The following IL4I1 variants were observed in gnomAD, a reference collection of about 807,000 sequenced individuals.
IL4I1 encodes the protein L-amino-acid oxidase.
A neutral mutation model predicts 29.7 loss-of-function variants in IL4I1; 24 were observed. That is an observed-to-expected ratio of 0.81 (90% CI 0.59 to 1.14). The LOEUF (loss-of-function observed/expected upper bound fraction) is 1.14, where lower values mean the gene tolerates loss of function less well. Among genes scored for constraint, IL4I1 ranks in the 50% most tolerant of loss-of-function variants. The pLI, the probability that IL4I1 is intolerant of heterozygous loss-of-function variation, is 0.00. For missense variants in IL4I1, 686 were observed against 785.6 expected (o/e 0.87, Z 1.52); for synonymous variants, 371 against 352.5 (o/e 1.05, Z -0.59).
rs147763061 is a variant in IL4I1, at chr19:49,909,595, C to T, written c.-227-5274G>A. On this transcript the variant is annotated intron_variant, in intron 2 of 9. Coordinates refer to the IL4I1 transcript ENST00000341114. ...TCGCTGTTCCAAAAGTGAAGCCTGT[C>T]GTCTGTGTGGCCGGAGTCTGGGTGG... 35 of 1,613,924 alleles carry T rather than the reference C, an allele frequency of 2.2e-5. No individual in the cohort carries two copies. Among genetic ancestry groups the T allele is most frequent in the Middle Eastern group, 1.6e-4 (1 of 6,084 alleles).
At position 49,921,025 on chromosome 19, in the gene IL4I1, G is replaced by T. The variant is rs2075754232; in HGVS notation, c.-228+6669C>A. Among the ~76,000 whole-genome samples, 1 of 152,146 alleles carries T rather than the reference G, an allele frequency of 6.6e-6. No homozygotes were observed. Among genetic ancestry groups the T allele is most frequent in the Non-Finnish European group, 1.5e-5 (1 of 68,020 alleles). ...AAGGCAGCCAGAAGATGGGGGCAGG[G>T]TGGCTTTCATTATGAGAACTGGAAG... On this transcript the variant is annotated intron_variant, in intron 2 of 9. Coordinates refer to the IL4I1 transcript ENST00000341114. The surrounding 1 kb of genome is among the most constrained non-coding windows in gnomAD (Gnocchi z 5.4).
chr19:49,910,716 T>C (rs888030658), intron 2 of IL4I1, among the ~76,000 whole-genome samples: 1 of 22,666 alleles, frequency 4.4e-5, no homozygotes, highest in Non-Finnish European at 9.4e-5. Context: ...CAGAGATGGG[T>C]GGGGGTGGGG....
In IL4I1 at chr19:49,892,142, C is replaced by T. The variant is rs375157608; in HGVS notation, c.568-669G>A. Among the ~76,000 whole-genome samples the T allele has an allele frequency of 1.5e-4, 22 of 141,942 alleles. 1 individual carries two copies. Among genetic ancestry groups the T allele is most frequent in the Admixed American group, 1.2e-3 (16 of 12,886 alleles). 93.1% of individuals were successfully genotyped at this position (141,942 alleles called of 152,430 possible). ...TGTTGCCCAGGCTGGAGTGCAGTGGCGCCATCTCAGCTCACTGAAACCTCT... is the reference window on the plus strand; with the variant it reads ...TGTTGCCCAGGCTGGAGTGCAGTGGTGCCATCTCAGCTCACTGAAACCTCT... On this transcript the variant is annotated intron_variant, in intron 5 of 7. Coordinates refer to ENST00000391826, the MANE Select transcript of IL4I1 (RefSeq NM_152899.2).
At chr19:49,894,174 G>T in intron 5 of IL4I1, 94 bp downstream of exon 5, 1 of 1,249,732 alleles carries the variant, frequency 8.0e-7, no homozygotes, top group East Asian at 2.5e-5. Flanking sequence ...GGAGGGGACT[G>T]AAGGGATGCC....
intron 2 of IL4I1, among the ~76,000 whole-genome samples, chr19:49,910,146 C>T (rs975199456): frequency 4.6e-5 from 7 of 152,038 alleles, no homozygotes; most frequent in African/African-American, 1.2e-4. Flanking sequence ...GAGGACGAGG[C>T]GGGAGAACAG....
upstream of IL4I1, among the ~76,000 whole-genome samples, chr19:49,897,970 C>T (rs746074772): frequency 5.9e-5 from 9 of 152,144 alleles, no homozygotes; most frequent in Non-Finnish European, 1.2e-4. Flanking sequence ...GAGGCCGTGG[C>T]AAAGGGAAAT....
At chr19:49,915,708 G>A (rs2075606186) in intron 2 of IL4I1, among the ~76,000 whole-genome samples, 1 of 152,254 alleles carries the variant, frequency 6.6e-6, no homozygotes, top group Admixed American at 6.5e-5. Context: ...TCAGGGGCAG[G>A]TCTGCCCTTG....
intron 2 of IL4I1, among the ~76,000 whole-genome samples, chr19:49,917,102 G>A (rs2075645104): frequency 6.6e-6 from 1 of 152,234 alleles, no homozygotes; most frequent in African/African-American, 2.4e-5. Flanking sequence ...GGGGAAGTAT[G>A]ACCGGTGGAA....
Position 49,889,807 on chromosome 19 carries a change from C to A in IL4I1, c.1567G>T (p.Asp523Tyr). The A allele has an allele frequency of 6.5e-7, 1 of 1,548,254 alleles. No individual in the cohort carries two copies. The highest frequency in any genetic ancestry group is 1.2e-5 in the South Asian group (1 of 81,832). Reference sequence around the variant, plus strand: ...TGCACATGCCCCTGCCCCTCCATGTCAGATGCGTGCCCCTCGGGGCTGGCC... The same window carrying A: ...TGCACATGCCCCTGCCCCTCCATGTAAGATGCGTGCCCCTCGGGGCTGGCC... ...DTASPEGHAS[D>Y]MEGQGHVHGV... The change falls in exon 8 of 8, where the codon GAC (aspartate) becomes TAC (tyrosine). Residue 523 changes from aspartate to tyrosine, a missense_variant. Physicochemically the swap from Asp to Tyr is radical, Grantham distance 160. Transcript: ENST00000391826.
intron 2 of IL4I1, chr19:49,913,190 GAC>G (rs941776293): frequency 3.3e-5 from 5 of 152,488 alleles, no homozygotes; most frequent in African/African-American, 9.6e-5. Flanking sequence ...CCACACAGCA[GAC>G]ATGCCTCTGG....
intron 2 of IL4I1, among the ~76,000 whole-genome samples, chr19:49,924,073 C>T (rs746108611): frequency 2.2e-4 from 34 of 152,300 alleles, no homozygotes; most frequent in South Asian, 1.0e-3. Context: ...GAATCGATAG[C>T]GTCTGGCAAC....
At chr19:49,926,890 C>G (rs1021673086) in intron 2 of IL4I1, among the ~76,000 whole-genome samples, 4 of 144,932 alleles carry the variant, frequency 2.8e-5, no homozygotes, top group African/African-American at 1.0e-4. Context: ...AGGTCTCACT[C>G]TGTCACCCAG....
chr19:49,906,231 C>T (rs1568693669), intron 2 of IL4I1, among the ~76,000 whole-genome samples: 1 of 151,922 alleles, frequency 6.6e-6, no homozygotes, highest in African/African-American at 2.4e-5. Context: ...TTTTTTGAGA[C>T]AGAGTCTTGC....
chr19:49,897,763 G>T (rs767129113), upstream of IL4I1, among the ~76,000 whole-genome samples: 32 of 151,948 alleles, frequency 2.1e-4, no homozygotes, highest in Non-Finnish European at 4.1e-4. Context: ...TGGGGTGGGG[G>T]AGAGGGAGCC....
intron 2 of IL4I1, among the ~76,000 whole-genome samples, chr19:49,926,254 T>C (rs2075886259): frequency 1.6e-5 from 2 of 123,122 alleles, no homozygotes; most frequent in Non-Finnish European, 3.4e-5. Flanking sequence ...TAAGACTGGG[T>C]GTGGTGGCTC....
intron 2 of IL4I1, among the ~76,000 whole-genome samples, chr19:49,916,395 C>T (rs1358180561): frequency 1.3e-5 from 2 of 149,164 alleles, no homozygotes; most frequent in East Asian, 4.0e-4. Flanking sequence ...GCTCTGTCGC[C>T]CAGGCTGGAG....
intron 5 of IL4I1, among the ~76,000 whole-genome samples, chr19:49,892,547 C>G (rs2075153108): frequency 1.3e-5 from 2 of 152,250 alleles, no homozygotes; most frequent in South Asian, 2.1e-4. Context: ...GCTCTCCCAC[C>G]TACACATCTG....
intron 2 of IL4I1, among the ~76,000 whole-genome samples, chr19:49,911,753 C>T (rs1184984195): frequency 6.6e-6 from 1 of 152,238 alleles, no homozygotes; most frequent in African/African-American, 2.4e-5. Context: ...AGGCTGTTAG[C>T]TCCACTAAGC....
At chr19:49,915,462 C>A (rs1468240588) in intron 2 of IL4I1, among the ~76,000 whole-genome samples, 2 of 152,188 alleles carry the variant, frequency 1.3e-5, no homozygotes, top group African/African-American at 4.8e-5. Context: ...CATAGCCTCT[C>A]CCCTAGAGTT....
Sources: gnomAD v4.1 joint callset for allele counts (sites outside exome capture counted in the v4.1 genomes callset) on GRCh38, gnomAD v4.1.1 for gene constraint, Gnocchi (gnomAD v3.1) non-coding constraint, MANE v1.5 for transcripts, NCBI Gene and HGNC (gene_info 2026-07-23, HGNC 2026-07-21) for gene names.